The following UNC13B variants were observed in gnomAD, a reference collection of about 807,000 sequenced individuals.
UNC13B encodes the protein unc-13 homolog B, also known as protein unc-13 homolog B.
UNC13B carries 144 observed loss-of-function variants against 211.0 expected under a neutral mutation model. The observed-to-expected ratio is 0.68, with a 90% CI of 0.60 to 0.78. UNC13B has a LOEUF of 0.78. Ranked by LOEUF, UNC13B falls within the 30% of genes least tolerant of loss-of-function variation. The probability of loss-of-function intolerance (pLI) is 0.00; values close to 1 mark genes in which losing one functional copy is unlikely to be tolerated. For synonymous variants in UNC13B, 709 were observed against 725.8 expected (o/e 0.98, Z 0.37); for missense variants, 1,777 against 2,002.0 (o/e 0.89, Z 2.14).
Position 35,390,112 on chromosome 9 carries a change from ATCTG to A in UNC13B, c.11222+144_11222+147del, listed in dbSNP as rs568427518. 320 of 1,464,552 alleles carry A rather than the reference ATCTG, an allele frequency of 2.2e-4. 5 individuals are homozygous for A. The South Asian group carries it at 2.8e-3, about 13-fold the overall frequency. 90.7% of individuals were successfully genotyped at this position (1,464,552 alleles called of 1,614,324 possible). The stretch of plus-strand genomic sequence containing the variant: ...ATCCATCTGTCCCTCTGTCCCTTGT[ATCTG>A]TCTGGGTAACTGTTTCTGGAGACAG... On this transcript the variant is annotated intron_variant, in intron 25 of 39. Transcript: ENST00000635942.
chr9:35,229,485 C>A (rs1427253041), intron 2 of UNC13B, among the ~76,000 whole-genome samples: 1 of 152,148 alleles, frequency 6.6e-6, no homozygotes, highest in Admixed American at 6.5e-5. Flanking sequence ...TTAGCTTCAG[C>A]ACCAACCACC....
At chr9:35,399,835 C>A in intron 36 of UNC13B, 106 bp downstream of exon 36, 1 of 1,100,838 alleles carries the variant, frequency 9.1e-7, no homozygotes, top group Non-Finnish European at 1.4e-6. Context: ...CACTCCACAT[C>A]CAGAAGAGAG....
chr9:35,309,636 G>T (rs1830089109), intron 9 of UNC13B, among the ~76,000 whole-genome samples: 1 of 152,128 alleles, frequency 6.6e-6, no homozygotes, highest in Admixed American at 6.6e-5. Flanking sequence ...TGACTTTCTG[G>T]ATATGGGAAT....
chr9:35,220,108 G>A (rs1206345961), intron 1 of UNC13B, among the ~76,000 whole-genome samples: 1 of 151,784 alleles, frequency 6.6e-6, no homozygotes, highest in East Asian at 1.9e-4. Flanking sequence ...AAGCAAATAT[G>A]AATATATATT....
chr9:35,369,425 A>G (rs7023352), intron 12 of UNC13B, among the ~76,000 whole-genome samples: 12,391 of 152,276 alleles, frequency 0.081, 1,712 homozygotes, highest in African/African-American at 0.28. Context: ...GGGAGAAGAC[A>G]TAGTACATTA....
At chr9:35,253,232 T>TCTAG (rs1379740036) in intron 6 of UNC13B, among the ~76,000 whole-genome samples, 1 of 152,156 alleles carries the variant, frequency 6.6e-6, no homozygotes, top group Non-Finnish European at 1.5e-5. Context: ...TCCTGGAATA[T>TCTAG]CTAGGTTCAA....
rs148700946 is a variant in UNC13B at position 35,398,598 on chromosome 9, A to G, written c.11877A>G (p.Lys3959=). Residue 3959 remains lysine (K), a synonymous_variant, in exon 32 of 40, where the codon AAA becomes AAG. Transcript: ENST00000635942. ...AADSLKELQV[K]LNTVLDELSM... ...ACAGTCTGAAGGAGCTGCAGGTGAA[A>G]CTGAATACGGTTCTGGATGAGCTCA... is the stretch of plus-strand genomic sequence containing the variant. 1.2e-6 allele frequency: 2 copies of G among 1,614,004 alleles called. No individual in the cohort carries two copies. The highest frequency in any genetic ancestry group is 8.5e-7 in the Non-Finnish European group (1 of 1,180,016).
intron 1 of UNC13B, among the ~76,000 whole-genome samples, chr9:35,187,041 A>C (rs1275899476): frequency 6.6e-6 from 1 of 152,170 alleles, no homozygotes. Flanking sequence ...AATTAAGCAA[A>C]ATACTACAGC....
intron 11 of UNC13B, chr9:35,353,074 G>T: frequency 4.1e-6 from 5 of 1,232,172 alleles, no homozygotes; most frequent in Non-Finnish European, 5.1e-6. Context: ...AGTCCAGAAG[G>T]CTTGCAGCTC....
intron 17 of UNC13B, among the ~76,000 whole-genome samples, chr9:35,379,831 C>T (rs966369970): frequency 6.6e-6 from 1 of 152,096 alleles, no homozygotes; most frequent in African/African-American, 2.4e-5. Flanking sequence ...GCACATTTTG[C>T]CAGTTACAAC....
intron 1 of UNC13B, among the ~76,000 whole-genome samples, chr9:35,200,842 G>A (rs1473710868): frequency 6.6e-6 from 1 of 152,106 alleles, no homozygotes. Flanking sequence ...TCTCTTGCCT[G>A]ATTGCCCTGG....
intron 11 of UNC13B, among the ~76,000 whole-genome samples, chr9:35,343,370 T>C (rs1832136332): frequency 6.6e-6 from 1 of 152,240 alleles, no homozygotes; most frequent in African/African-American, 2.4e-5. Flanking sequence ...ATTGAAATTA[T>C]GTTCTTGTCT....
chr9:35,233,359 C>T (rs577444299), intron 3 of UNC13B, among the ~76,000 whole-genome samples: 2 of 152,248 alleles, frequency 1.3e-5, no homozygotes, highest in South Asian at 4.1e-4. Context: ...CCTTTTGACC[C>T]TGCTGTGATA....
At chr9:35,370,174 C>G (rs1834024669) in intron 12 of UNC13B, 144 bp from the exon 13 acceptor site, 1 of 615,774 alleles carries the variant, frequency 1.6e-6, no homozygotes, top group Non-Finnish European at 2.8e-6. Context: ...GACTTTCTGT[C>G]TTTCCTTCCC....
rs1318620789 is a variant in UNC13B at position 35,300,639 on chromosome 9, A to G, written c.1235A>G (p.Glu412Gly). 2.5e-6 allele frequency: 1 copy of G among 398,856 alleles called. No homozygotes were observed. The highest frequency in any genetic ancestry group is 3.6e-5 in the East Asian group (1 of 28,084). The allele number at this position is 398,856 out of a possible 1,614,324, so 24.7% of individuals were successfully genotyped here. Reference sequence around the variant, plus strand: ...CACCATATTGGAGATTTTCCTGAGGAATATTATGTAGCAAATTCAGCATTG... The same window carrying G: ...CACCATATTGGAGATTTTCCTGAGGGATATTATGTAGCAAATTCAGCATTG... Reference protein sequence around the residue: ...NVHHIGDFPEEYYVANSALPL... With the variant: ...NVHHIGDFPEGYYVANSALPL... Residue 412 changes from glutamate to glycine, a missense_variant, in exon 9 of 40, where the codon GAA becomes GGA. Transcript: ENST00000635942.
At chr9:35,261,235 A>G (rs539275092) in intron 7 of UNC13B, among the ~76,000 whole-genome samples, 17 of 152,272 alleles carry the variant, frequency 1.1e-4, no homozygotes, top group Admixed American at 8.5e-4. Context: ...GTCTCCATAC[A>G]TACATACACA....
At chr9:35,313,255 G>T (rs1056414303) in intron 10 of UNC13B, among the ~76,000 whole-genome samples, 2 of 152,096 alleles carry the variant, frequency 1.3e-5, no homozygotes, top group Non-Finnish European at 2.9e-5. Flanking sequence ...AAAAGGAATT[G>T]TCATTTTAGA....
At chr9:35,180,336 A>G (rs560418329) in intron 1 of UNC13B, among the ~76,000 whole-genome samples, 1 of 152,294 alleles carries the variant, frequency 6.6e-6, no homozygotes, top group Non-Finnish European at 1.5e-5. Flanking sequence ...ATAAGTCGCT[A>G]TGAAGTAAAG....
chr9:35,233,565 T>C (rs1825328805), intron 3 of UNC13B, among the ~76,000 whole-genome samples: 1 of 152,342 alleles, frequency 6.6e-6, no homozygotes, highest in African/African-American at 2.4e-5. Flanking sequence ...TCTACTACCC[T>C]GTCCTTTTGT....
Sources: allele counts gnomAD v4.1 joint callset (sites outside exome capture counted in the v4.1 genomes callset), GRCh38; gene constraint gnomAD v4.1.1; transcripts MANE v1.5; gene names NCBI Gene and HGNC (gene_info 2026-07-23, HGNC 2026-07-21).